CSN3: variants seen among roughly 807,000 people sequenced by gnomAD.
CSN3 encodes kappa-casein.
CSN3 carries 7 observed loss-of-function variants against 9.9 expected under a neutral mutation model. The observed-to-expected ratio is 0.71, with a 90% CI of 0.40 to 1.33. The LOEUF is 1.33. Ranked by LOEUF, CSN3 falls within the 40% of genes most tolerant of loss-of-function variation. The pLI is 0.01. For synonymous variants in CSN3, 88 were observed against 82.3 expected (o/e 1.07, Z -0.37); for missense variants, 253 against 227.9 (o/e 1.11, Z -0.71).
At chr4:70,241,899 G>A (rs1392644320), upstream of CSN3, among the ~76,000 whole-genome samples, 2 of 151,940 alleles carry the variant, frequency 1.3e-5, no homozygotes, top group Non-Finnish European at 2.9e-5. Flanking sequence ...TGATTAAAAT[G>A]TTTCATATAT....
intron 3 of CSN3, among the ~76,000 whole-genome samples, chr4:70,248,370 T>C (rs1312824812): frequency 6.6e-6 from 1 of 152,172 alleles, no homozygotes; most frequent in Non-Finnish European, 1.5e-5. Flanking sequence ...TGACAAATTT[T>C]TAAACAGAGG....
chr4:70,247,079 T>A (rs755122482), intron 2 of CSN3, among the ~76,000 whole-genome samples: 3 of 152,212 alleles, frequency 2.0e-5, no homozygotes, highest in Non-Finnish European at 4.4e-5. Context: ...TCTGATTTTC[T>A]ATACTCACAC....
chr4:70,242,278 TTTTTATTTTA>T (rs200342051), upstream of CSN3, among the ~76,000 whole-genome samples: 6,455 of 134,400 alleles, frequency 0.048, 560 homozygotes, highest in African/African-American at 0.15. Context: ...CTGCATTTCT[TTTTTATTTTA>T]TTTTATTTTA....
At chr4:70,249,436 G>T in exon 4 of CSN3, 1 of 1,613,434 alleles carries the variant, frequency 6.2e-7, no homozygotes, top group Non-Finnish European at 8.5e-7. Context: ...AACCACAGTT[G>T]CAGTTACTCC....
In CSN3 at chr4:70,249,495, T is replaced by C; in HGVS notation, c.*34+2T>C. The C allele has an allele frequency of 6.7e-7, 1 of 1,497,912 alleles. No individual in the cohort carries two copies. Among genetic ancestry groups the C allele is most frequent in the Non-Finnish European group, 9.2e-7 (1 of 1,082,212 alleles). 92.8% of individuals were successfully genotyped at this position (1,497,912 alleles called of 1,614,324 possible). A position where few individuals can be genotyped will look rare whatever the true frequency, so the allele number is the denominator to read the frequency against. ...GAAATATCAAAGAACACAACGCAGGTAAATTAACAGTATATAAAATGAGTA... is the reference window on the plus strand; with the variant it reads ...GAAATATCAAAGAACACAACGCAGGCAAATTAACAGTATATAAAATGAGTA... On this transcript the variant is annotated splice_donor_variant, in intron 4 of 4. Coordinates refer to ENST00000304954, the Ensembl canonical transcript of CSN3. LOFTEE classifies it low-confidence loss of function (3UTR_SPLICE).
chr4:70,251,081 T>C (rs529651653), intron 4 of CSN3, among the ~76,000 whole-genome samples, 181 bp from the exon 5 acceptor site: 123 of 152,306 alleles, frequency 8.1e-4, no homozygotes, highest in Non-Finnish European at 1.6e-3. Context: ...AAATATTACA[T>C]AATGTCTATT....
At chr4:70,243,160 T>C (rs1057014021) in intron 1 of CSN3, 1 of 975,222 alleles carries the variant, frequency 1.0e-6, no homozygotes, top group African/African-American at 1.8e-5. Context: ...TACCAAGTGA[T>C]GAGGGCAAAT....
At chr4:70,242,257 T>C (rs1444326966), upstream of CSN3, among the ~76,000 whole-genome samples, 1 of 151,268 alleles carries the variant, frequency 6.6e-6, no homozygotes, top group Non-Finnish European at 1.5e-5. Context: ...GTGATGACTC[T>C]ACATCCTTCT....
In CSN3 at chr4:70,249,109, C is replaced by A. The variant is rs200877675; in HGVS notation, c.199C>A (p.Pro67Thr). ...TGGAACCAATTTGTACCAACGTAGACCAGCTATAGCAATTAATAATCCATA... is the reference window on the plus strand; with the variant it reads ...TGGAACCAATTTGTACCAACGTAGAACAGCTATAGCAATTAATAATCCATA... The change falls in exon 4 of 5, where the codon CCA becomes ACA. Residue 67 changes from proline to threonine, a missense_variant. Transcript: ENST00000304954. The A allele has an allele frequency of 6.2e-7, 1 of 1,613,904 alleles. No individual in the cohort carries two copies. Among genetic ancestry groups the A allele is most frequent in the East Asian group, 2.2e-5 (1 of 44,860 alleles).
rs951260340 is a variant in CSN3, at chr4:70,242,671, G to A, written c.-9+6G>A. ...CCTGACTGGCACGAGGAAAGGTAAT[G>A]CTGCTGAAACACTTGGAGAAAGTGA... On this transcript the variant is annotated splice_donor_region_variant and intron_variant, in intron 1 of 4. Coordinates refer to ENST00000304954, the Ensembl canonical transcript of CSN3. The A allele has an allele frequency of 1.3e-5, 2 of 152,118 alleles. No homozygotes were observed. Among genetic ancestry groups the A allele is most frequent in the East Asian group, 1.9e-4 (1 of 5,188 alleles). 9.4% of individuals were successfully genotyped at this position (152,118 alleles called of 1,614,324 possible).
chr4:70,244,930 G>A, intron 2 of CSN3, 57 bp downstream of exon 2: 1 of 1,014,910 alleles, frequency 9.9e-7, no homozygotes, highest in South Asian at 2.1e-5. Flanking sequence ...TTGTTTAAGG[G>A]CTTTAACTAT....
At chr4:70,246,505 C>T (rs1307093778) in intron 2 of CSN3, among the ~76,000 whole-genome samples, 1 of 151,526 alleles carries the variant, frequency 6.6e-6, no homozygotes, top group Admixed American at 6.6e-5. Flanking sequence ...AACTATGAAA[C>T]CTATGATATA....
upstream of CSN3, among the ~76,000 whole-genome samples, chr4:70,239,222 GA>G (rs58238362): frequency 0.11 from 17,169 of 149,828 alleles, 1,277 homozygotes; most frequent in East Asian, 0.27. Context: ...ACTCGAGGGG[GA>G]AAAAAAAAGA....
chr4:70,241,594 T>A (rs1456648476), upstream of CSN3, among the ~76,000 whole-genome samples: 1 of 152,058 alleles, frequency 6.6e-6, no homozygotes, highest in African/African-American at 2.4e-5. Flanking sequence ...AAAATATGCT[T>A]TCCTGAATTA....
At chr4:70,248,925 A>C in intron 3 of CSN3, 73 bp from the exon 4 acceptor site, 1 of 1,101,754 alleles carries the variant, frequency 9.1e-7, no homozygotes, top group Non-Finnish European at 1.3e-6. Context: ...TTATTTCAAA[A>C]AATGCAGATT....
At chr4:70,251,053 T>C (rs1730472951) in intron 4 of CSN3, among the ~76,000 whole-genome samples, 1 of 149,128 alleles carries the variant, frequency 6.7e-6, no homozygotes, top group Non-Finnish European at 1.5e-5. Context: ...AAGAAGCATG[T>C]AAAAGAGTTT....
At position 70,246,977 on chromosome 4, in the gene CSN3, A is replaced by C. The variant is rs1029014435; in HGVS notation, c.55-841A>C. ...TGAGACATGTGCCCGGCCTCATATTACTTCTTTACATTTTAAACTAATGAT... is the reference window on the plus strand; with the variant it reads ...TGAGACATGTGCCCGGCCTCATATTCCTTCTTTACATTTTAAACTAATGAT... On this transcript the variant is annotated intron_variant, in intron 2 of 4. Transcript: ENST00000304954. 3.9e-5 allele frequency among the ~76,000 whole-genome samples: 6 copies of C among 151,922 alleles called. No homozygotes were observed. The East Asian group carries it at 1.2e-3, about 29-fold the overall frequency.
At chr4:70,247,258 A>C (rs1209697019) in intron 2 of CSN3, among the ~76,000 whole-genome samples, 7 of 152,020 alleles carry the variant, frequency 4.6e-5, no homozygotes, top group African/African-American at 1.2e-4. Context: ...TTGTTTTCTC[A>C]CTCCTGATTC....
At chr4:70,250,265 A>C (rs997066613) in intron 4 of CSN3, among the ~76,000 whole-genome samples, 1 of 151,874 alleles carries the variant, frequency 6.6e-6, no homozygotes, top group African/African-American at 2.4e-5. Context: ...TTTGGGGAGA[A>C]AGTTGCAAAA....
Sources: allele counts gnomAD v4.1 joint callset (sites outside exome capture counted in the v4.1 genomes callset), GRCh38; gene constraint gnomAD v4.1.1; transcripts MANE v1.5; gene names NCBI Gene and HGNC (gene_info 2026-07-23, HGNC 2026-07-21).